SLC44A5: variants seen among roughly 807,000 people sequenced by gnomAD.
SLC44A5 encodes the protein solute carrier family 44 member 5, also known as choline transporter-like protein 5.
SLC44A5 carries 57 observed loss-of-function variants against 101.8 expected under a neutral mutation model. The ratio of observed to expected loss-of-function variants is 0.56; its 90% CI spans 0.45 to 0.70. The LOEUF is 0.70. Ranked by LOEUF, SLC44A5 falls within the 30% of genes least tolerant of loss-of-function variation. The probability of loss-of-function intolerance (pLI) is 0.00; values close to 1 mark genes in which losing one functional copy is unlikely to be tolerated. For synonymous variants in SLC44A5, 281 were observed against 290.9 expected (o/e 0.97, Z 0.35); for missense variants, 737 against 853.1 (o/e 0.86, Z 1.70).
intron 1 of SLC44A5, among the ~76,000 whole-genome samples, chr1:75,586,385 GTT>G (rs1491384840): frequency 1.2e-4 from 18 of 151,364 alleles, no homozygotes; most frequent in Admixed American, 3.3e-4. Context: ...GTGTGTGTGT[GTT>G]TGTGTGTATC....
chr1:75,380,553 G>T (rs113971888), intron 3 of SLC44A5, among the ~76,000 whole-genome samples: 4,250 of 82,748 alleles, frequency 0.051, 1,678 homozygotes, highest in African/African-American at 0.15. Flanking sequence ...AGGTCTCAGA[G>T]AACAGACCTG....
upstream of SLC44A5, among the ~76,000 whole-genome samples, chr1:75,615,048 C>T (rs1000983315): frequency 1.3e-5 from 2 of 152,124 alleles, no homozygotes; most frequent in Non-Finnish European, 2.9e-5. Flanking sequence ...GAGTCGCGCC[C>T]CGGACCACGC....
At chr1:75,505,024 G>A (rs936374578) in intron 2 of SLC44A5, among the ~76,000 whole-genome samples, 3 of 152,004 alleles carry the variant, frequency 2.0e-5, no homozygotes, top group Admixed American at 2.0e-4. Context: ...GTAGTCTTCA[G>A]TGTCTATTTT....
At chr1:75,530,374 G>C (rs946358374) in intron 2 of SLC44A5, among the ~76,000 whole-genome samples, 3 of 151,974 alleles carry the variant, frequency 2.0e-5, no homozygotes, top group Non-Finnish European at 4.4e-5. Flanking sequence ...CCAAACTATT[G>C]GTAATTTATT....
intron 6 of SLC44A5, among the ~76,000 whole-genome samples, chr1:75,258,136 C>T (rs996115766): frequency 1.3e-5 from 2 of 152,100 alleles, no homozygotes; most frequent in Admixed American, 1.3e-4. Context: ...AGACACCAAG[C>T]TAGTCACAGT....
At chr1:75,353,351 T>A (rs1430710598) in intron 3 of SLC44A5, among the ~76,000 whole-genome samples, 1 of 152,172 alleles carries the variant, frequency 6.6e-6, no homozygotes. Context: ...TAACTCAAGA[T>A]ATAATAATTT....
the SLC44A5 span, among the ~76,000 whole-genome samples, chr1:75,713,844 C>G: frequency 2.6e-5 from 4 of 152,116 alleles, no homozygotes; most frequent in Non-Finnish European, 4.4e-5. Context: ...ACTTTGTTGC[C>G]CAAGCTGAAG....
the SLC44A5 span, among the ~76,000 whole-genome samples, chr1:75,630,968 T>C: frequency 6.6e-6 from 1 of 152,216 alleles, no homozygotes; most frequent in Non-Finnish European, 1.5e-5. Context: ...GGGTCTGAAA[T>C]TCTTGCTGTG....
chr1:75,383,613 C>T (rs540535450), intron 3 of SLC44A5, among the ~76,000 whole-genome samples: 2 of 152,096 alleles, frequency 1.3e-5, no homozygotes, highest in African/African-American at 4.8e-5. Context: ...GAGAATGGAA[C>T]CAAGTTGGAA....
At chr1:75,684,183 G>A in the SLC44A5 span, among the ~76,000 whole-genome samples, 6 of 152,100 alleles carry the variant, frequency 3.9e-5, no homozygotes, top group Admixed American at 2.0e-4. Context: ...AGAACAGTAT[G>A]GGGGAAACTG....
At chr1:75,464,111 A>G (rs1406343637) in intron 2 of SLC44A5, among the ~76,000 whole-genome samples, 8 of 150,750 alleles carry the variant, frequency 5.3e-5, no homozygotes, top group African/African-American at 2.0e-4. Flanking sequence ...AGTCCTAGCT[A>G]CTCGGGAGGC....
intron 3 of SLC44A5, among the ~76,000 whole-genome samples, chr1:75,384,330 C>G (rs1661139111): frequency 6.7e-6 from 1 of 148,544 alleles, no homozygotes; most frequent in Admixed American, 6.7e-5. Flanking sequence ...TGCAGAGACA[C>G]ACATAGGCTC....
chr1:75,723,281 T>G, the SLC44A5 span, among the ~76,000 whole-genome samples: 1 of 152,190 alleles, frequency 6.6e-6, no homozygotes, highest in Non-Finnish European at 1.5e-5. Context: ...TAAGAGCTCC[T>G]TTGTCTCAGT....
the SLC44A5 span, among the ~76,000 whole-genome samples, chr1:75,712,546 T>C: frequency 7.2e-5 from 11 of 152,158 alleles, no homozygotes; most frequent in African/African-American, 2.4e-4. Flanking sequence ...TGGCTTTTCA[T>C]TGGCAAGGCT....
At chr1:75,383,376 C>T (rs1570072893) in intron 3 of SLC44A5, among the ~76,000 whole-genome samples, 2 of 150,290 alleles carry the variant, frequency 1.3e-5, no homozygotes, top group Admixed American at 1.3e-4. Context: ...TATACTTTGT[C>T]TCTGTGTCTT....
chr1:75,247,631 A>G (rs867813464), intron 7 of SLC44A5, among the ~76,000 whole-genome samples: 19 of 152,118 alleles, frequency 1.2e-4, no homozygotes, highest in East Asian at 1.9e-4. Flanking sequence ...AAAGATTAAG[A>G]TAACTCATCA....
intron 7 of SLC44A5, 93 bp from the exon 8 acceptor site, chr1:75,243,104 A>G: frequency 7.2e-7 from 1 of 1,379,428 alleles, no homozygotes; most frequent in Admixed American, 2.6e-5. Context: ...CACCATAACA[A>G]AAAGCAATGC....
intron 3 of SLC44A5, among the ~76,000 whole-genome samples, chr1:75,367,869 C>T (rs868853233): frequency 3.3e-5 from 5 of 152,120 alleles, no homozygotes; most frequent in South Asian, 4.1e-4. Context: ...GCATTTTTTT[C>T]CCATAAATGG....
intron 2 of SLC44A5, among the ~76,000 whole-genome samples, chr1:75,419,463 A>AAG (rs553508402): frequency 1.3e-5 from 2 of 151,922 alleles, no homozygotes; most frequent in African/African-American, 4.8e-5. Context: ...TAAAGTGCTA[A>AAG]AGAGAGAGAA....
Sources: gnomAD v4.1 joint callset for allele counts (sites outside exome capture counted in the v4.1 genomes callset) on GRCh38, gnomAD v4.1.1 for gene constraint, MANE v1.5 for transcripts, NCBI Gene and HGNC (gene_info 2026-07-23, HGNC 2026-07-21) for gene names.